CSMD1: variants seen among roughly 807,000 people sequenced by gnomAD.
CSMD1 encodes the protein CUB and sushi domain-containing protein 1.
A neutral mutation model predicts 417.5 loss-of-function variants in CSMD1; 213 were observed. That is an observed-to-expected ratio of 0.51 (90% CI 0.46 to 0.57). The LOEUF (loss-of-function observed/expected upper bound fraction) is 0.57. Ranked by LOEUF, CSMD1 falls within the 20% of genes least tolerant of loss-of-function variation. The probability of loss-of-function intolerance (pLI) is 0.00; values close to 1 mark genes in which losing one functional copy is unlikely to be tolerated. For synonymous variants in CSMD1, 2,862 were observed against 1,736.8 expected (o/e 1.65, Z -16.11); for missense variants, 6,923 against 4,529.7 (o/e 1.53, Z -15.17).
chr8:4,256,917 A>G (rs1196793813), intron 3 of CSMD1, among the ~76,000 whole-genome samples: 1 of 152,086 alleles, frequency 6.6e-6, no homozygotes, highest in Admixed American at 6.5e-5. Context: ...TGCAGAATTT[A>G]TTTTCCTTCC....
At chr8:3,893,524 T>C (rs960109168) in intron 5 of CSMD1, among the ~76,000 whole-genome samples, 8 of 151,792 alleles carry the variant, frequency 5.3e-5, no homozygotes, top group Non-Finnish European at 8.8e-5. Context: ...ACAAATTAAA[T>C]TTATAAATAT....
chr8:3,343,550 A>C, intron 22 of CSMD1, 100 bp from the exon 23 acceptor site: 1 of 1,023,962 alleles, frequency 9.8e-7, no homozygotes, highest in East Asian at 2.6e-5. Flanking sequence ...GCAGTTTTAA[A>C]CAATACTTAA....
chr8:4,945,315 A>G (rs972421228), intron 1 of CSMD1, among the ~76,000 whole-genome samples: 2 of 152,176 alleles, frequency 1.3e-5, no homozygotes, highest in African/African-American at 4.8e-5. Flanking sequence ...AGTCCTGGAG[A>G]TGGATGATGT....
chr8:4,955,112 T>C (rs1400474708), intron 1 of CSMD1, among the ~76,000 whole-genome samples: 2 of 152,144 alleles, frequency 1.3e-5, no homozygotes, highest in African/African-American at 4.8e-5. Context: ...GAAATGGCTT[T>C]AAATGGGACT....
rs186479421 is a variant in CSMD1 at position 3,249,805 on chromosome 8, C to A, written c.4154-19574G>T. On this transcript the variant is annotated intron_variant, in intron 26 of 69. Coordinates refer to ENST00000635120, the MANE Select transcript of CSMD1 (RefSeq NM_033225.6). ...CATGTCTAAACTTCATTAGGGAAAA[C>A]TTTGTTTGCAATTTAGTGATGTTTA... Among the ~76,000 whole-genome samples, 680 of 152,022 alleles carry A rather than the reference C, an allele frequency of 4.5e-3. 11 individuals are homozygous for A. The highest frequency in any genetic ancestry group is 0.016 in the African/African-American group (658 of 41,432).
At chr8:3,421,467 T>A (rs1387088253) in intron 12 of CSMD1, among the ~76,000 whole-genome samples, 1 of 152,206 alleles carries the variant, frequency 6.6e-6, no homozygotes. Context: ...TATCAAAGAC[T>A]TCATTTTATT....
chr8:3,180,818 T>G (rs1266822888), intron 37 of CSMD1, among the ~76,000 whole-genome samples: 1 of 151,894 alleles, frequency 6.6e-6, no homozygotes, highest in African/African-American at 2.4e-5. Flanking sequence ...ATTATTATTA[T>G]TTTTTAGTAG....
intron 3 of CSMD1, among the ~76,000 whole-genome samples, chr8:4,129,746 A>C (rs1018289512): frequency 1.3e-5 from 2 of 152,042 alleles, no homozygotes; most frequent in African/African-American, 4.8e-5. Context: ...TTCAATCTGG[A>C]AATAACCATC....
chr8:4,975,835 C>A (rs1030753460), intron 1 of CSMD1, among the ~76,000 whole-genome samples: 3 of 150,482 alleles, frequency 2.0e-5, no homozygotes, highest in Non-Finnish European at 3.0e-5. Flanking sequence ...TAGAAAAAAA[C>A]CCAGCAGATA....
intron 1 of CSMD1, among the ~76,000 whole-genome samples, chr8:4,740,175 T>C (rs1030735933): frequency 3.9e-5 from 6 of 152,118 alleles, no homozygotes; most frequent in African/African-American, 4.8e-5. Flanking sequence ...CTGAGCACCC[T>C]GAGACGAACA....
rs80130047 is a variant in CSMD1 at position 3,089,027 on chromosome 8, A to G, written c.7286-1742T>C. On this transcript the variant is annotated intron_variant, in intron 48 of 69. Coordinates refer to ENST00000635120, the MANE Select transcript of CSMD1 (RefSeq NM_033225.6). ...TGTTTCTTCTCTCACCAGCCCCTCA[A>G]CATACCTCTTCTTTCCTAACTCACT... Among the ~76,000 whole-genome samples, 1,012 of 152,210 alleles carry G rather than the reference A, an allele frequency of 6.6e-3. 13 individuals carry two copies. The highest frequency in any genetic ancestry group is 0.011 in the Non-Finnish European group (760 of 68,012).
intron 51 of CSMD1, among the ~76,000 whole-genome samples, chr8:3,018,934 T>C (rs963697000): frequency 1.3e-5 from 2 of 152,160 alleles, no homozygotes; most frequent in Non-Finnish European, 2.9e-5. Flanking sequence ...GTTGTTGTTG[T>C]TGGCATGGAG....
chr8:4,405,912 G>A (rs1373043685), intron 3 of CSMD1, among the ~76,000 whole-genome samples: 1 of 152,154 alleles, frequency 6.6e-6, no homozygotes, highest in South Asian at 2.1e-4. Context: ...TTTGCTCCAA[G>A]GAGCATCTCG....
chr8:3,522,158 T>C (rs1448412549), intron 10 of CSMD1, among the ~76,000 whole-genome samples: 2 of 152,256 alleles, frequency 1.3e-5, no homozygotes, highest in Non-Finnish European at 2.9e-5. Context: ...AAAGTCAAAT[T>C]ATTCGAAGTG....
At chr8:3,574,309 T>G (rs1223286565) in intron 10 of CSMD1, among the ~76,000 whole-genome samples, 2 of 152,244 alleles carry the variant, frequency 1.3e-5, no homozygotes, top group African/African-American at 4.8e-5. Context: ...GGCACGATCT[T>G]GGCCCACTTC....
At chr8:4,479,802 G>A (rs1800989826) in intron 2 of CSMD1, among the ~76,000 whole-genome samples, 2 of 151,652 alleles carry the variant, frequency 1.3e-5, no homozygotes, top group Admixed American at 6.6e-5. Context: ...GTTCTCTACT[G>A]AAAACACAAA....
At chr8:2,966,870 A>G (rs1424701273) in intron 57 of CSMD1, 124 bp from the exon 58 acceptor site, 6 of 804,258 alleles carry the variant, frequency 7.5e-6, no homozygotes, top group South Asian at 3.7e-5. Flanking sequence ...AAAGCACACA[A>G]TCCTATGGAA....
At chr8:3,220,816 C>G (rs1487276146) in intron 28 of CSMD1, among the ~76,000 whole-genome samples, 2 of 152,062 alleles carry the variant, frequency 1.3e-5, no homozygotes, top group Non-Finnish European at 2.9e-5. Flanking sequence ...GGGTGACAGA[C>G]AGAGCAAAAC....
At chr8:2,978,870 A>C in intron 54 of CSMD1, 70 bp from the exon 55 acceptor site, 1 of 1,324,888 alleles carries the variant, frequency 7.5e-7, no homozygotes. Flanking sequence ...ATCAGAAATG[A>C]AGGCGAATTC....
Sources: gnomAD v4.1 joint callset for allele counts (sites outside exome capture counted in the v4.1 genomes callset) on GRCh38, gnomAD v4.1.1 for gene constraint, MANE v1.5 for transcripts, NCBI Gene and HGNC (gene_info 2026-07-23, HGNC 2026-07-21) for gene names.